FBRSL1: variants seen among roughly 807,000 people sequenced by gnomAD.
FBRSL1 encodes fibrosin like 1.
A neutral mutation model predicts 89.6 loss-of-function variants in FBRSL1; 51 were observed. That is an observed-to-expected ratio of 0.57 (90% CI 0.45 to 0.72). The LOEUF is 0.72. Ranked by LOEUF, FBRSL1 falls within the 30% of genes least tolerant of loss-of-function variation. FBRSL1 has a pLI of 0.00. For synonymous variants in FBRSL1, 779 were observed against 681.1 expected, an observed-to-expected ratio of 1.14 and a Z score of -2.24; for missense variants, 1,618 against 1,451.8, an observed-to-expected ratio of 1.11 and a Z score of -1.86.
At chr12:132,519,899 C>CAAAA (rs760671307) in intron 2 of FBRSL1, among the ~76,000 whole-genome samples, 6 of 114,598 alleles carry the variant, frequency 5.2e-5, no homozygotes, top group African/African-American at 1.3e-4. Flanking sequence ...GACTCTGTCT[C>CAAAA]AAAAAAAAAA....
intron 4 of FBRSL1, among the ~76,000 whole-genome samples, chr12:132,534,523 C>T (rs577517772): frequency 2.4e-4 from 36 of 152,364 alleles, no homozygotes; most frequent in South Asian, 1.0e-3. Flanking sequence ...CCTTTTTCTC[C>T]TCGCCACCTC....
chr12:132,511,960 C>G, intron 2 of FBRSL1: 1 of 985,184 alleles, frequency 1.0e-6, no homozygotes, highest in Non-Finnish European at 1.2e-6. Context: ...ACAGCATCAG[C>G]GTTTGTAATT....
At chr12:132,501,922 G>A (rs1379618390) in intron 1 of FBRSL1, among the ~76,000 whole-genome samples, 5 of 152,180 alleles carry the variant, frequency 3.3e-5, no homozygotes, top group Admixed American at 1.3e-4. Flanking sequence ...TCACCTGCCC[G>A]GTGTCTCCAG....
chr12:132,560,577 G>C (rs1320462153), intron 5 of FBRSL1, among the ~76,000 whole-genome samples: 1 of 152,190 alleles, frequency 6.6e-6, no homozygotes, highest in Non-Finnish European at 1.5e-5. Flanking sequence ...CCCCGAGTTG[G>C]AGTTCTTTGT....
intron 4 of FBRSL1, among the ~76,000 whole-genome samples, chr12:132,540,380 T>TC (rs2037159468): frequency 2.0e-5 from 1 of 49,698 alleles, no homozygotes; most frequent in Non-Finnish European, 3.9e-5. Flanking sequence ...AGGTGCCACC[T>TC]CCCCTCGGCC....
chr12:132,523,166 G>A (rs1230678558), intron 2 of FBRSL1, among the ~76,000 whole-genome samples: 3 of 152,072 alleles, frequency 2.0e-5, no homozygotes, highest in Admixed American at 6.5e-5. Context: ...CCTGCTGGGA[G>A]TGGACGTGTG....
chr12:132,571,975 T>C (rs1299405448), intron 9 of FBRSL1: 1 of 460,074 alleles, frequency 2.2e-6, no homozygotes, highest in Admixed American at 3.9e-5. Flanking sequence ...TAACCCGGTG[T>C]GTCCCCAGCG....
At chr12:132,512,812 C>G (rs951759803) in intron 2 of FBRSL1, among the ~76,000 whole-genome samples, 1 of 152,226 alleles carries the variant, frequency 6.6e-6, no homozygotes, top group East Asian at 1.9e-4. Context: ...GAAACTGCAG[C>G]CTGGGTCCCT....
At chr12:132,533,090 C>T (rs562643150) in intron 4 of FBRSL1, among the ~76,000 whole-genome samples, 103 of 152,198 alleles carry the variant, frequency 6.8e-4, no homozygotes, top group African/African-American at 2.4e-3. Context: ...GGTCTCCTCC[C>T]AACCCAGCCT....
chr12:132,575,795 A>G (rs2040347504), intron 14 of FBRSL1, among the ~76,000 whole-genome samples: 1 of 152,232 alleles, frequency 6.6e-6, no homozygotes, highest in African/African-American at 2.4e-5. Flanking sequence ...CAGCATCATC[A>G]TGGCCAGTGA....
Position 132,583,644 on chromosome 12 carries a change from C to T in FBRSL1, c.2875C>T (p.Leu959=), listed in dbSNP as rs914559746. Reference sequence around the variant, plus strand: ...CGCCGCCCTCGGCGCACCGCCCCCCCTGGTGACGGCGGCCGGGCCCCCCAC... The same window carrying T: ...CGCCGCCCTCGGCGCACCGCCCCCCTTGGTGACGGCGGCCGGGCCCCCCAC... ...AAAALGAPPP[L]VTAAGPPTPP... Residue 959 remains leucine (L), a synonymous_variant, in exon 19 of 19, where the codon CTG becomes TTG. Transcript: ENST00000680143. 2.0e-6 allele frequency: 2 copies of T among 1,016,222 alleles called. No homozygotes were observed. Among genetic ancestry groups the T allele is most frequent in the South Asian group, 4.5e-5 (1 of 22,334 alleles). 63.0% of individuals were successfully genotyped at this position (1,016,222 alleles called of 1,614,324 possible).
chr12:132,551,396 G>T, intron 5 of FBRSL1: 1 of 456,150 alleles, frequency 2.2e-6, no homozygotes, highest in South Asian at 1.5e-5. Context: ...TGTGGGCGCT[G>T]ACCCAGCAGC....
At chr12:132,526,213 G>A (rs114567027) in intron 3 of FBRSL1, among the ~76,000 whole-genome samples, 2,415 of 152,352 alleles carry the variant, frequency 0.016, 75 homozygotes, top group African/African-American at 0.054. Flanking sequence ...GAGGGCAGGC[G>A]GACGGCCGCC....
In FBRSL1 at chr12:132,570,250, C is replaced by T. The variant is rs1240526450; in HGVS notation, c.1007+9C>T. ...GGCCTGCACGGCCTCAGGTGGGGTC[C>T]CCGCGGGGGACGGGGCCTGTGTGGT... On this transcript the variant is annotated intron_variant, in intron 7 of 18. Coordinates refer to ENST00000680143, the MANE Select transcript of FBRSL1 (RefSeq NM_001367871.1). The T allele has an allele frequency of 1.3e-6, 2 of 1,491,384 alleles. No individual in the cohort carries two copies. The highest frequency in any genetic ancestry group is 2.6e-5 in the East Asian group (1 of 38,706). 92.4% of individuals were successfully genotyped at this position (1,491,384 alleles called of 1,614,324 possible).
rs925603801 is a variant in FBRSL1 at position 132,499,014 on chromosome 12, A to T, written c.291+8153A>T. 2.8e-4 allele frequency among the ~76,000 whole-genome samples: 43 copies of T among 152,248 alleles called. No individual in the cohort carries two copies. Among genetic ancestry groups the T allele is most frequent in the Admixed American group, 9.8e-4 (15 of 15,302 alleles). Reference sequence around the variant, plus strand: ...CAGGCTGGGCCCCTTCTGCCTGTGTATGTGACCAAGGGTACCTGCCACCTC... The same window carrying T: ...CAGGCTGGGCCCCTTCTGCCTGTGTTTGTGACCAAGGGTACCTGCCACCTC... On this transcript the variant is annotated intron_variant, in intron 1 of 18. Transcript: ENST00000680143. This position sits in a 1 kb window ranked among gnomAD's most constrained non-coding sequence, Gnocchi z 4.3.
At chr12:132,564,812 G>A (rs1206686293) in intron 5 of FBRSL1, among the ~76,000 whole-genome samples, 2 of 149,114 alleles carry the variant, frequency 1.3e-5, no homozygotes, top group Non-Finnish European at 3.0e-5. Flanking sequence ...TGTATTTTTA[G>A]TAGAGACGGG....
At chr12:132,577,003 G>C (rs1374223067) in intron 15 of FBRSL1, 72 bp downstream of exon 15, 2 of 1,501,442 alleles carry the variant, frequency 1.3e-6, no homozygotes, top group African/African-American at 2.8e-5. Flanking sequence ...CTGCCTTCCT[G>C]TGCCAGGAGT....
At chr12:132,531,946 T>A (rs987012801) in intron 4 of FBRSL1, among the ~76,000 whole-genome samples, 1 of 152,230 alleles carries the variant, frequency 6.6e-6, no homozygotes, top group Non-Finnish European at 1.5e-5. Context: ...TTTGGCCTTC[T>A]CAGCCACCGT....
intron 2 of FBRSL1, chr12:132,510,776 C>T (rs1257451205): frequency 1.3e-5 from 15 of 1,157,128 alleles, no homozygotes; most frequent in South Asian, 4.4e-5. Flanking sequence ...CTGTGGTGTG[C>T]GTGCCCTGGG....
Sources: allele counts gnomAD v4.1 joint callset (sites outside exome capture counted in the v4.1 genomes callset), GRCh38; gene constraint gnomAD v4.1.1; non-coding constraint Gnocchi (gnomAD v3.1); transcripts MANE v1.5; gene names NCBI Gene and HGNC (gene_info 2026-07-23, HGNC 2026-07-21).